The following PENK variants were observed in gnomAD, a reference collection of about 807,000 sequenced individuals.
PENK encodes the protein proenkephalin.
In PENK, 25 loss-of-function variants were observed where a neutral mutation model predicts 24.1. That is an observed-to-expected ratio of 1.04 (90% CI 0.76 to 1.45). The LOEUF is 1.45. Ranked by LOEUF, PENK falls within the 40% of genes most tolerant of loss-of-function variation. The pLI is 0.00. For missense variants in PENK, 353 were observed against 337.9 expected (o/e 1.04, Z -0.35); for synonymous variants, 135 against 130.3 (o/e 1.04, Z -0.24).
At chr8:56,446,155 G>A in intron 2 of PENK, 199 bp from the exon 3 acceptor site, 1 of 596,154 alleles carries the variant, frequency 1.7e-6, no homozygotes, top group Non-Finnish European at 2.9e-6. Context: ...CGCGGTTCCC[G>A]GGATGGCGCG....
chr8:56,441,840 TC>T lies in PENK; in HGVS notation c.235del (p.Asp79MetfsTer18). On this transcript the variant is annotated frameshift_variant, in exon 4 of 4. Transcript: ENST00000451791. LOFTEE classifies it high-confidence loss of function. Reference protein sequence around the residue: ...LQLSKPELPQDGTSTLRENSK... With the variant: ...LQLSKPELPQXGTSTLRENSK... ...ATTTTCTCTGAGGGTGCTGGTGCCA[TC>T]TTGAGGAAGCTCTGGTTTGGACAGC... 1 of 1,614,202 alleles carries T rather than the reference TC, an allele frequency of 6.2e-7. No homozygotes were observed. The highest frequency in any genetic ancestry group is 1.1e-5 in the South Asian group (1 of 91,082).
rs759549994 is a variant in PENK at position 56,441,390 on chromosome 8, C to G, written c.686G>C (p.Arg229Pro). 6.2e-7 allele frequency: 1 copy of G among 1,614,114 alleles called. No homozygotes were observed. Among genetic ancestry groups the G allele is most frequent in the African/African-American group, 1.3e-5 (1 of 75,052 alleles). Residue 229 changes from arginine to proline, a missense_variant, in exon 4 of 4, where the codon CGG becomes CCG. Physicochemically the swap from Arg to Pro is moderately radical, Grantham distance 103. Coordinates refer to ENST00000451791, the MANE Select transcript of PENK (RefSeq NM_001135690.3). ...RPEWWMDYQK[R>P]YGGFLKRFAE... Reference sequence around the variant, plus strand: ...AAAGCGCTTCAGGAAACCTCCATACCGTTTCTGGTAGTCCATCCACCACTC... The same window carrying G: ...AAAGCGCTTCAGGAAACCTCCATACGGTTTCTGGTAGTCCATCCACCACTC...
intron 3 of PENK, chr8:56,443,713 C>T (rs4738501): frequency 0.058 from 22,627 of 389,446 alleles, 2,423 homozygotes; most frequent in African/African-American, 0.25. Context: ...GCATCCGAGC[C>T]AAAATCCCAG....
rs1027601214 is a variant in PENK at position 56,441,904 on chromosome 8, A to G, written c.172T>C (p.Ser58Pro). ...TTGCAGGTTTCCCAAATTTTCAGAG[A>G]AGGCAGTTTACCTTCACATTCCATT... ...CVMECEGKLP[S>P]LKIWETCKEL... Residue 58 changes from serine to proline, a missense_variant, in exon 4 of 4, where the codon TCT (serine) becomes CCT (proline). Ser to Pro is a moderately conservative substitution (Grantham distance 74). Transcript: ENST00000451791. 1.5e-5 allele frequency: 25 copies of G among 1,613,666 alleles called. No homozygotes were observed. The highest frequency in any genetic ancestry group is 1.9e-5 in the Non-Finnish European group (22 of 1,179,850).
intron 1 of PENK, 22 bp from the exon 2 acceptor site, chr8:56,446,503 A>T (rs1474307784): frequency 6.5e-6 from 1 of 153,244 alleles, no homozygotes. Flanking sequence ...AGAAGAAGGC[A>T]AGTGTGAGGA....
At chr8:56,445,443 G>A in intron 3 of PENK, 1 of 479,706 alleles carries the variant, frequency 2.1e-6, no homozygotes. Flanking sequence ...GGATATGTTA[G>A]GAGTTGTGGT....
chr8:56,443,867 A>G, intron 3 of PENK: 4 of 633,338 alleles, frequency 6.3e-6, no homozygotes, highest in Non-Finnish European at 2.9e-6. Flanking sequence ...GTTGCTTATT[A>G]TCTATTTTTT....
chr8:56,445,505 G>A (rs1039757047), intron 3 of PENK: 14 of 595,986 alleles, frequency 2.3e-5, no homozygotes. Context: ...GCTATCCGAG[G>A]TGCTGAACAG....
chr8:56,444,984 C>T (rs1350439567), intron 3 of PENK, among the ~76,000 whole-genome samples: 1 of 152,210 alleles, frequency 6.6e-6, no homozygotes, highest in Non-Finnish European at 1.5e-5. Context: ...GATTCGACAG[C>T]CCATGGGGAA....
chr8:56,441,476 T>C lies in PENK; in HGVS notation c.600A>G (p.Glu200=). Residue 200 remains glutamate, a synonymous_variant, in exon 4 of 4, where the codon GAA becomes GAG. Transcript: ENST00000451791. ...GCTTCTGCAGCTCTTTGGCTTCATCTTCCAGTTGGGGGCTTCTCTTTAAGC... is the reference window on the plus strand; with the variant it reads ...GCTTCTGCAGCTCTTTGGCTTCATCCTCCAGTTGGGGGCTTCTCTTTAAGC... ...MRGLKRSPQL[E]DEAKELQKRY... The C allele has an allele frequency of 6.2e-7, 1 of 1,613,094 alleles. No individual in the cohort carries two copies. Among genetic ancestry groups the C allele is most frequent in the Non-Finnish European group, 8.5e-7 (1 of 1,179,738 alleles).
At chr8:56,445,748 C>T in intron 3 of PENK, 68 bp downstream of exon 3, 2 of 1,597,004 alleles carry the variant, frequency 1.3e-6, no homozygotes, top group Non-Finnish European at 1.7e-6. Context: ...GGGCCGGAGG[C>T]AGTCCGCGTA....
At chr8:56,442,372 C>T (rs917146874) in intron 3 of PENK, among the ~76,000 whole-genome samples, 3 of 152,056 alleles carry the variant, frequency 2.0e-5, no homozygotes, top group African/African-American at 7.2e-5. Flanking sequence ...TTCCTTTTAT[C>T]TTCTTGTCTT....
chr8:56,444,069 A>G, intron 3 of PENK: 1 of 686,696 alleles, frequency 1.5e-6, no homozygotes, highest in Non-Finnish European at 2.7e-6. Context: ...TCAAGATTTG[A>G]GGTGATACCC....
chr8:56,441,265 A>G lies in PENK; in HGVS notation c.*7T>C. 2 of 1,555,578 alleles carry G rather than the reference A, an allele frequency of 1.3e-6. No homozygotes were observed. Among genetic ancestry groups the G allele is most frequent in the Non-Finnish European group, 1.7e-6 (2 of 1,145,964 alleles). ...CTGGGGCCTGGGGCCACTAGTGGGA[A>G]AAGATATTAAAATCTCATAAATCCT... On this transcript the variant is annotated 3_prime_UTR_variant, in exon 4 of 4. Coordinates refer to ENST00000451791, the MANE Select transcript of PENK (RefSeq NM_001135690.3).
chr8:56,441,404 C>G lies in PENK; in HGVS notation c.672G>C (p.Met224Ile). 1 of 1,614,092 alleles carries G rather than the reference C, an allele frequency of 6.2e-7. No homozygotes were observed. The highest frequency in any genetic ancestry group is 2.2e-5 in the East Asian group (1 of 44,884). Residue 224 changes from methionine to isoleucine, a missense_variant, in exon 4 of 4, where the codon ATG (methionine) becomes ATC (isoleucine). By Grantham distance (10) the Met-to-Ile change is conservative. Transcript: ENST00000451791. ...MRRVGRPEWW[M>I]DYQKRYGGFL... Reference sequence around the variant, plus strand: ...AACCTCCATACCGTTTCTGGTAGTCCATCCACCACTCTGGGCGACCTACTC... The same window carrying G: ...AACCTCCATACCGTTTCTGGTAGTCGATCCACCACTCTGGGCGACCTACTC...
chr8:56,446,061 A>G, intron 2 of PENK, 105 bp from the exon 3 acceptor site: 1 of 1,305,218 alleles, frequency 7.7e-7, no homozygotes, highest in Admixed American at 2.6e-5. Context: ...CGTCGAGCAA[A>G]AGCCCGCAGG....
At position 56,445,887 on chromosome 8, in the gene PENK, G is replaced by A. The variant is rs1472912704; in HGVS notation, c.67C>T (p.Arg23Trp). 1.1e-5 allele frequency: 17 copies of A among 1,612,780 alleles called. No individual in the cohort carries two copies. Among genetic ancestry groups the A allele is most frequent in the Non-Finnish European group, 1.4e-5 (17 of 1,179,818 alleles). The change falls in exon 3 of 4, where the codon CGG (arginine) becomes TGG (tryptophan). Residue 23 changes from arginine (R) to tryptophan (W), a missense_variant. Arg to Trp is a moderately radical substitution (Grantham distance 101, BLOSUM62 -3). Coordinates refer to ENST00000451791, the MANE Select transcript of PENK (RefSeq NM_001135690.3). ...GCGCAATCCTGGCTGCATTCGGCCC[G>A]CACGGTCGCCAGGAGCCCGGGGCCG... is the stretch of plus-strand genomic sequence containing the variant. ...LLGPGLLATV[R>W]AECSQDCATC...
chr8:56,446,140 C>T (rs1461211072), intron 2 of PENK, 184 bp from the exon 3 acceptor site: 1 of 628,842 alleles, frequency 1.6e-6, no homozygotes, highest in Non-Finnish European at 2.7e-6. Context: ...CGACTCAGAT[C>T]GCCTCGCGGT....
chr8:56,443,699 T>G (rs1804598966), intron 3 of PENK: 1 of 380,840 alleles, frequency 2.6e-6, no homozygotes, highest in Non-Finnish European at 4.7e-6. Context: ...CTCACATGTC[T>G]TTTGCATCCG....
Sources: gnomAD v4.1 joint callset for allele counts (sites outside exome capture counted in the v4.1 genomes callset) on GRCh38, gnomAD v4.1.1 for gene constraint, MANE v1.5 for transcripts, NCBI Gene and HGNC (gene_info 2026-07-23, HGNC 2026-07-21) for gene names.